DGCR2: variants seen among roughly 807,000 people sequenced by gnomAD.
DGCR2 encodes the protein DiGeorge syndrome critical region gene 2.
In DGCR2, 24 loss-of-function variants were observed where a neutral mutation model predicts 51.6. The ratio of observed to expected loss-of-function variants is 0.47; its 90% CI spans 0.34 to 0.65. The LOEUF (loss-of-function observed/expected upper bound fraction) is 0.65, where lower values mean the gene tolerates loss of function less well. DGCR2 is among the 30% of genes least tolerant of loss of function. DGCR2 has a pLI of 0.01. For synonymous variants in DGCR2, 340 were observed against 315.4 expected (o/e 1.08, Z -0.82); for missense variants, 765 against 772.1 (o/e 0.99, Z 0.11).
intron 5 of DGCR2, among the ~76,000 whole-genome samples, chr22:19,059,870 G>A (rs371228222): frequency 9.9e-5 from 15 of 152,126 alleles, no homozygotes; most frequent in African/African-American, 2.7e-4. Flanking sequence ...GCTGCTCGCC[G>A]AGCCTGGAGA....
intron 1 of DGCR2, among the ~76,000 whole-genome samples, chr22:19,113,061 C>T (rs1456861068): frequency 3.9e-5 from 4 of 103,850 alleles, no homozygotes; most frequent in Admixed American, 9.1e-5. Flanking sequence ...GAACCTGGAA[C>T]GCTGGATTAG....
At position 19,065,054 on chromosome 22, in the gene DGCR2, C is replaced by A; in HGVS notation, c.342G>T (p.Lys114Asn). 6.2e-7 allele frequency: 1 copy of A among 1,613,888 alleles called. No individual in the cohort carries two copies. The highest frequency in any genetic ancestry group is 8.5e-7 in the Non-Finnish European group (1 of 1,180,000). ...QPVRFSSFLG[K>N]CPTGWHHYEG... ...CGTAGTGGTGCCACCCTGTCGGGCA[C>A]TTCCCTAGGAAACATAAAGGACAGA... The change falls in exon 4 of 10, where the codon AAG becomes AAT. Residue 114 changes from lysine (K) to asparagine (N), a missense_variant. Physicochemically the swap from Lys to Asn is moderately conservative, Grantham distance 94. Coordinates refer to ENST00000263196, the MANE Select transcript of DGCR2 (RefSeq NM_005137.3).
At chr22:19,077,604 T>A (rs2082892394) in intron 2 of DGCR2, among the ~76,000 whole-genome samples, 1 of 152,234 alleles carries the variant, frequency 6.6e-6, no homozygotes, top group South Asian at 2.1e-4. Flanking sequence ...TAATAAGGTT[T>A]AAAGTCAGGA....
intron 1 of DGCR2, among the ~76,000 whole-genome samples, chr22:19,098,700 G>T (rs2083168833): frequency 6.6e-6 from 1 of 152,132 alleles, no homozygotes; most frequent in South Asian, 2.1e-4. Context: ...TGATCCTCTT[G>T]CCCCAGACTC....
At chr22:19,077,184 T>A (rs1052743412) in intron 2 of DGCR2, among the ~76,000 whole-genome samples, 1 of 152,246 alleles carries the variant, frequency 6.6e-6, no homozygotes, top group Non-Finnish European at 1.5e-5. Flanking sequence ...AATAGAAGTT[T>A]TAAATTTTGA....
In DGCR2 at chr22:19,038,725, G is replaced by T; in HGVS notation, c.*140C>A. On this transcript the variant is annotated 3_prime_UTR_variant, in exon 10 of 10. Coordinates refer to ENST00000263196, the MANE Select transcript of DGCR2 (RefSeq NM_005137.3). ...GCAGAAGGCGGGCTGTGGTCTCTAT[G>T]TACACACGCGAGCCCGCCAGTGACG... The T allele has an allele frequency of 8.4e-7, 1 of 1,186,196 alleles. No homozygotes were observed. Among genetic ancestry groups the T allele is most frequent in the Non-Finnish European group, 1.2e-6 (1 of 842,000 alleles). The allele number at this position is 1,186,196 out of a possible 1,614,324, so 73.5% of individuals were successfully genotyped here.
intron 6 of DGCR2, among the ~76,000 whole-genome samples, chr22:19,051,147 C>CCACTTCACTCCAGCCTGGG (rs2146316024): frequency 7.0e-6 from 1 of 143,402 alleles, no homozygotes; most frequent in African/African-American, 2.6e-5. Flanking sequence ...CAAGATTGCA[C>CCACTTCACTCCAGCCTGGG]CACTTCACTC....
Position 19,058,980 on chromosome 22 carries a change from C to T in DGCR2, c.626-1818G>A, listed in dbSNP as rs574812103. Reference sequence around the variant, plus strand: ...AGGTGCTGAATGGGGGCTGGTCATGCGGGCACTGCATGCCTACCCGAGGTG... The same window carrying T: ...AGGTGCTGAATGGGGGCTGGTCATGTGGGCACTGCATGCCTACCCGAGGTG... On this transcript the variant is annotated intron_variant, in intron 5 of 9. Coordinates refer to ENST00000263196, the MANE Select transcript of DGCR2 (RefSeq NM_005137.3). Among the ~76,000 whole-genome samples the T allele has an allele frequency of 2.1e-3, 324 of 152,342 alleles. 4 individuals are homozygous for T. Among genetic ancestry groups the T allele is most frequent in the African/African-American group, 7.4e-3 (309 of 41,580 alleles).
intron 5 of DGCR2, among the ~76,000 whole-genome samples, chr22:19,062,807 T>TCTCTCTCTCTCTCTCTCTCTCTCTCTC (rs397967453): frequency 1.4e-5 from 2 of 146,988 alleles, no homozygotes; most frequent in Admixed American, 6.7e-5. Context: ...TCTCTCTCTC[T>TCTCTCTCTCTCTCTCTCTCTCTCTCTC]ATCTGCCTGA....
At chr22:19,121,048 C>T (rs2083426019) in intron 1 of DGCR2, among the ~76,000 whole-genome samples, 1 of 152,210 alleles carries the variant, frequency 6.6e-6, no homozygotes, top group Admixed American at 6.5e-5. Flanking sequence ...ATGACACAAG[C>T]GCAGAGCCAA....
rs909875534 is a variant in DGCR2 at position 19,037,099 on chromosome 22, A to G, written c.*1766T>C. ...CCCCAGTGCATGTGGGATCCACGGC[A>G]TGCTTCCTGCTTCGTCCTCTGCAGC... On this transcript the variant is annotated 3_prime_UTR_variant, in exon 10 of 10. Transcript: ENST00000263196. 1 of 152,262 alleles carries G rather than the reference A, an allele frequency of 6.6e-6. No individual in the cohort carries two copies. The highest frequency in any genetic ancestry group is 2.4e-5 in the African/African-American group (1 of 41,442). The allele number at this position is 152,262 out of a possible 1,614,324, so 9.4% of individuals were successfully genotyped here.
intron 5 of DGCR2, 116 bp downstream of exon 5, chr22:19,063,086 T>TCCATGCC: frequency 1.1e-6 from 1 of 934,696 alleles, no homozygotes. Context: ...GCTCACCCAC[T>TCCATGCC]CCCTGCACAG....
intron 6 of DGCR2, among the ~76,000 whole-genome samples, chr22:19,051,681 G>C (rs1024320272): frequency 2.0e-5 from 3 of 152,194 alleles, no homozygotes; most frequent in African/African-American, 7.2e-5. Flanking sequence ...AACTATGATT[G>C]CACCACTGCG....
intron 2 of DGCR2, 37 bp from the exon 3 acceptor site, chr22:19,068,262 C>G (rs746683392): frequency 1.9e-6 from 3 of 1,546,518 alleles, no homozygotes; most frequent in Non-Finnish European, 1.7e-6. Flanking sequence ...TGAGTCCTGC[C>G]TGTGCAGTCG....
intron 2 of DGCR2, among the ~76,000 whole-genome samples, chr22:19,075,035 C>G (rs1327225854): frequency 1.3e-5 from 2 of 151,210 alleles, no homozygotes; most frequent in Non-Finnish European, 2.9e-5. Flanking sequence ...TATATAACTT[C>G]TTTGCTAATT....
At chr22:19,105,331 A>G (rs1356325738) in intron 1 of DGCR2, among the ~76,000 whole-genome samples, 1 of 152,144 alleles carries the variant, frequency 6.6e-6, no homozygotes, top group Non-Finnish European at 1.5e-5. Context: ...CTCAAAAACT[A>G]AAAAAATAGG....
At chr22:19,114,387 C>T (rs571266339) in intron 1 of DGCR2, among the ~76,000 whole-genome samples, 24 of 152,368 alleles carry the variant, frequency 1.6e-4, no homozygotes, top group African/African-American at 5.3e-4. Flanking sequence ...GTCTAGCAGG[C>T]ATCCTTCGCA....
intron 2 of DGCR2, among the ~76,000 whole-genome samples, chr22:19,072,602 G>A (rs367918173): frequency 3.9e-5 from 6 of 152,114 alleles, no homozygotes; most frequent in East Asian, 1.9e-4. Flanking sequence ...GACCGGGCAC[G>A]GTGCCTCACG....
Position 19,037,476 on chromosome 22 carries a change from G to A in DGCR2, c.*1389C>T, listed in dbSNP as rs1035121744. 5 of 152,272 alleles carry A rather than the reference G, an allele frequency of 3.3e-5. No individual in the cohort carries two copies. Among genetic ancestry groups the A allele is most frequent in the African/African-American group, 1.2e-4 (5 of 41,420 alleles). 9.4% of individuals were successfully genotyped at this position (152,272 alleles called of 1,614,324 possible). ...AGGTGCTGCCCCGCTGGTCTGGAAA[G>A]ACTGAGCGAGACAGCACTGCCTCAG... On this transcript the variant is annotated 3_prime_UTR_variant, in exon 10 of 10. Transcript: ENST00000263196.
Sources: allele counts gnomAD v4.1 joint callset (sites outside exome capture counted in the v4.1 genomes callset), GRCh38; gene constraint gnomAD v4.1.1; transcripts MANE v1.5; gene names NCBI Gene and HGNC (gene_info 2026-07-23, HGNC 2026-07-21).